TSC22D2: variants seen among roughly 807,000 people sequenced by gnomAD.
TSC22D2 encodes the protein TSC22 domain family protein 2.
In TSC22D2, 5 loss-of-function variants were observed where a neutral mutation model predicts 50.1. The observed-to-expected ratio is 0.10, with a 90% confidence interval of 0.05 to 0.21. TSC22D2 has a LOEUF of 0.21. Ranked by LOEUF, TSC22D2 falls within the 10% of genes least tolerant of loss-of-function variation. The pLI is 1.00. For missense variants in TSC22D2, 1,003 were observed against 1,015.5 expected (o/e 0.99, Z 0.17); for synonymous variants, 501 against 450.1 (o/e 1.11, Z -1.43).
intron 1 of TSC22D2, among the ~76,000 whole-genome samples, chr3:150,425,838 C>A (rs369543126): frequency 1.0e-3 from 153 of 152,314 alleles, no homozygotes; most frequent in African/African-American, 3.6e-3. Context: ...ATATACCTTT[C>A]TCATATTGAC....
chr3:150,448,023 G>A (rs1008249521), intron 1 of TSC22D2, among the ~76,000 whole-genome samples: 1 of 152,134 alleles, frequency 6.6e-6, no homozygotes, highest in East Asian at 1.9e-4. Context: ...AAGAGAGCCT[G>A]CTCTAAATGT....
intron 1 of TSC22D2, among the ~76,000 whole-genome samples, chr3:150,429,014 A>G (rs1011855042): frequency 6.6e-6 from 1 of 152,196 alleles, no homozygotes; most frequent in African/African-American, 2.4e-5. Flanking sequence ...TGGAAGTACA[A>G]GCATTGGAAT....
rs1559855295 is a variant in TSC22D2 at position 150,465,721 on chromosome 3, A to G, written c.*7085A>G. On this transcript the variant is annotated 3_prime_UTR_variant, in exon 3 of 3. Transcript: ENST00000688009. The stretch of plus-strand genomic sequence containing the variant: ...TAAATGGAAAATTCCAGAAACGAAC[A>G]TAAGTTTTAAACTTCAAACCTTTCT... 6.6e-6 allele frequency: 1 copy of G among 152,194 alleles called. No homozygotes were observed. The highest frequency in any genetic ancestry group is 2.4e-5 in the African/African-American group (1 of 41,454). 9.4% of individuals were successfully genotyped at this position (152,194 alleles called of 1,614,324 possible).
chr3:150,458,942 C>T lies in TSC22D2; in HGVS notation c.*306C>T. On this transcript the variant is annotated 3_prime_UTR_variant, in exon 3 of 3. Coordinates refer to ENST00000688009, the MANE Select transcript of TSC22D2 (RefSeq NM_001303264.2). Reference sequence around the variant, plus strand: ...TCTTTAAGAGTTTTGGTGGCTCTCCCATGTTTCCTATTACCCATGGATTTA... The same window carrying T: ...TCTTTAAGAGTTTTGGTGGCTCTCCTATGTTTCCTATTACCCATGGATTTA... 3.9e-6 allele frequency: 1 copy of T among 256,492 alleles called. No individual in the cohort carries two copies. The highest frequency in any genetic ancestry group is 7.4e-6 in the Non-Finnish European group (1 of 134,754). The allele number at this position is 256,492 out of a possible 1,614,324, so 15.9% of individuals were successfully genotyped here. A position where few individuals can be genotyped will look rare whatever the true frequency, so the allele number is the denominator to read the frequency against.
At chr3:150,425,564 G>A (rs1028702601) in intron 1 of TSC22D2, among the ~76,000 whole-genome samples, 1 of 152,194 alleles carries the variant, frequency 6.6e-6, no homozygotes, top group East Asian at 1.9e-4. Context: ...AGTCCCTAAC[G>A]TTATCTTCTA....
rs1460132229 is a variant in TSC22D2 at position 150,458,772 on chromosome 3, A to G, written c.*136A>G. 4 of 1,107,676 alleles carry G rather than the reference A, an allele frequency of 3.6e-6. No homozygotes were observed. The highest frequency in any genetic ancestry group is 5.1e-6 in the Non-Finnish European group (4 of 779,872). 68.6% of individuals were successfully genotyped at this position (1,107,676 alleles called of 1,614,324 possible). On this transcript the variant is annotated 3_prime_UTR_variant, in exon 3 of 3. Transcript: ENST00000688009. The stretch of plus-strand genomic sequence containing the variant: ...TTGGCCTTTTCAGTATTAGACAATC[A>G]TTCTACAAGAGCTTTTCCTCTCTCT...
At position 150,410,660 on chromosome 3, in the gene TSC22D2, T is replaced by C. The variant is rs2108055371; in HGVS notation, c.1310T>C (p.Met437Thr). The change falls in exon 1 of 3, where the codon ATG becomes ACG. Residue 437 changes from methionine (M) to threonine (T), a missense_variant. Transcript: ENST00000688009. ...MGASSQPSEA[M>T]APRTGPAQGG... is the part of the protein sequence containing the mutation. ...GCGTCTTCCCAGCCCAGCGAAGCCATGGCCCCCCGGACGGGACCAGCGCAA... is the reference window on the plus strand; with the variant it reads ...GCGTCTTCCCAGCCCAGCGAAGCCACGGCCCCCCGGACGGGACCAGCGCAA... 6.4e-7 allele frequency: 1 copy of C among 1,554,802 alleles called. No individual in the cohort carries two copies. The highest frequency in any genetic ancestry group is 8.7e-7 in the Non-Finnish European group (1 of 1,152,318).
intron 1 of TSC22D2, among the ~76,000 whole-genome samples, chr3:150,413,971 G>A (rs558450917): frequency 1.4e-4 from 21 of 152,104 alleles, no homozygotes; most frequent in Admixed American, 2.6e-4. Context: ...GATTGAGGTG[G>A]TTTAGGTTGA....
rs1384414004 is a variant in TSC22D2, at chr3:150,460,611, T to G, written c.*1975T>G. On this transcript the variant is annotated 3_prime_UTR_variant, in exon 3 of 3. Transcript: ENST00000688009. Reference sequence around the variant, plus strand: ...AAGGAACTAAGTACATAGGCTTGAGTAAGCAACCCTAAGGATGTGTAGTAA... The same window carrying G: ...AAGGAACTAAGTACATAGGCTTGAGGAAGCAACCCTAAGGATGTGTAGTAA... 2.6e-5 allele frequency: 4 copies of G among 152,142 alleles called. No homozygotes were observed. The highest frequency in any genetic ancestry group is 4.4e-5 in the Non-Finnish European group (3 of 68,016). 9.4% of individuals were successfully genotyped at this position (152,142 alleles called of 1,614,324 possible).
At chr3:150,415,385 G>GT (rs1719763243) in intron 1 of TSC22D2, among the ~76,000 whole-genome samples, 1 of 152,150 alleles carries the variant, frequency 6.6e-6, no homozygotes, top group Admixed American at 6.5e-5. Context: ...AGTAACACTT[G>GT]TTTTTTCTTT....
chr3:150,458,347 T>G, intron 2 of TSC22D2, 29 bp from the exon 3 acceptor site: 1 of 1,594,812 alleles, frequency 6.3e-7, no homozygotes, highest in Non-Finnish European at 8.6e-7. Context: ...TTTTCACTCT[T>G]TTGACATTCC....
rs188330649 is a variant in TSC22D2 at position 150,448,819 on chromosome 3, A to G, written c.1959-8257A>G. Among the ~76,000 whole-genome samples the G allele has an allele frequency of 1.1e-4, 16 of 151,758 alleles. No individual in the cohort carries two copies. In the East Asian group the frequency reaches 2.7e-3, roughly 26 times the overall value. ...ATTAAAATGATCCCCCCAAAATATCATAACTTGGAAATGTGAAAGAGATCT... is the reference window on the plus strand; with the variant it reads ...ATTAAAATGATCCCCCCAAAATATCGTAACTTGGAAATGTGAAAGAGATCT... On this transcript the variant is annotated intron_variant, in intron 1 of 2. Transcript: ENST00000688009.
rs1720753064 is a variant in TSC22D2 at position 150,442,595 on chromosome 3, A to G, written c.1959-14481A>G. 2.0e-5 allele frequency among the ~76,000 whole-genome samples: 3 copies of G among 152,210 alleles called. 1 individual carries two copies. The highest frequency in any genetic ancestry group is 1.3e-4 in the Admixed American group (2 of 15,282). On this transcript the variant is annotated intron_variant, in intron 1 of 2. Transcript: ENST00000688009. ...AGTGTTTACCATATGCCAGATACTA[A>G]TGCATTATCTCACTGAATCTCAGTA...
chr3:150,437,102 C>T (rs570237449), intron 1 of TSC22D2, among the ~76,000 whole-genome samples: 22 of 152,048 alleles, frequency 1.4e-4, no homozygotes, highest in Non-Finnish European at 2.8e-4. Flanking sequence ...CTATGGGTTA[C>T]TGGCAACTAA....
chr3:150,409,503 C>T lies in TSC22D2; in HGVS notation c.153C>T (p.Val51=), dbSNP rs1719413882. ...TEDVSSEIFD[V]SRATDYGPEE... ...ACGTCTCCTCCGAGATTTTCGACGTCTCTCGGGCCACGGATTATGGCCCTG... is the reference window on the plus strand; with the variant it reads ...ACGTCTCCTCCGAGATTTTCGACGTTTCTCGGGCCACGGATTATGGCCCTG... Residue 51 remains valine (V), a synonymous_variant, in exon 1 of 3, where the codon GTC becomes GTT. Coordinates refer to ENST00000688009, the MANE Select transcript of TSC22D2 (RefSeq NM_001303264.2). This position sits in a 1 kb window ranked among gnomAD's most constrained non-coding sequence, Gnocchi z 7.4. 1.2e-6 allele frequency: 2 copies of T among 1,613,258 alleles called. No individual in the cohort carries two copies. The highest frequency in any genetic ancestry group is 1.7e-6 in the Non-Finnish European group (2 of 1,179,644).
intron 1 of TSC22D2, among the ~76,000 whole-genome samples, chr3:150,453,731 A>T (rs1487699001): frequency 1.3e-5 from 2 of 152,234 alleles, no homozygotes; most frequent in African/African-American, 4.8e-5. Flanking sequence ...TGCCTTCCTC[A>T]TATGAACCAT....
intron 1 of TSC22D2, among the ~76,000 whole-genome samples, chr3:150,455,107 A>C (rs572721463): frequency 2.0e-4 from 31 of 152,356 alleles, no homozygotes; most frequent in Non-Finnish European, 3.5e-4. Context: ...CATGACTTAA[A>C]AGTAATTCAA....
chr3:150,442,717 A>G (rs1309235839), intron 1 of TSC22D2, among the ~76,000 whole-genome samples: 2 of 152,248 alleles, frequency 1.3e-5, no homozygotes, highest in Admixed American at 1.3e-4. Context: ...TAATCCCAGC[A>G]CTTTGAGAGT....
chr3:150,427,412 T>A (rs1367708896), intron 1 of TSC22D2, among the ~76,000 whole-genome samples: 1 of 152,146 alleles, frequency 6.6e-6, no homozygotes, highest in Admixed American at 6.5e-5. Context: ...GTGTTTTGTG[T>A]CTGACCTCTT....
Sources: gnomAD v4.1 joint callset for allele counts (sites outside exome capture counted in the v4.1 genomes callset) on GRCh38, gnomAD v4.1.1 for gene constraint, Gnocchi (gnomAD v3.1) non-coding constraint, MANE v1.5 for transcripts, NCBI Gene and HGNC (gene_info 2026-07-23, HGNC 2026-07-21) for gene names.